The following TAFA4 variants were observed in gnomAD, a reference collection of about 807,000 sequenced individuals.
TAFA4 encodes TAFA chemokine like family member 4, also known as chemokine-like protein TAFA-4.
Under a neutral mutation model 21.1 loss-of-function variants are expected in TAFA4, and 20 were observed. The observed-to-expected ratio is 0.95, with a 90% CI of 0.67 to 1.38. The LOEUF (loss-of-function observed/expected upper bound fraction) is 1.38, where lower values mean the gene tolerates loss of function less well. Ranked by LOEUF, TAFA4 falls within the 40% of genes most tolerant of loss-of-function variation. The pLI is 0.00. For missense variants in TAFA4, 211 were observed against 180.9 expected, an observed-to-expected ratio of 1.17 and a Z score of -0.95; for synonymous variants, 71 against 67.4, an observed-to-expected ratio of 1.05 and a Z score of -0.26.
intron 1 of TAFA4, among the ~76,000 whole-genome samples, chr3:68,896,658 C>T (rs2089792228): frequency 6.6e-6 from 1 of 152,152 alleles, no homozygotes; most frequent in South Asian, 2.1e-4. Context: ...TGCTTGTTCG[C>T]AGGCTAAGGT....
At chr3:68,765,643 G>A (rs751713612) in intron 3 of TAFA4, among the ~76,000 whole-genome samples, 10 of 152,112 alleles carry the variant, frequency 6.6e-5, no homozygotes, top group Admixed American at 2.6e-4. Context: ...CAGAGTAACC[G>A]CCTGTGTGTA....
intron 3 of TAFA4, among the ~76,000 whole-genome samples, chr3:68,819,517 A>G (rs1704069316): frequency 6.6e-6 from 1 of 152,172 alleles, no homozygotes; most frequent in South Asian, 2.1e-4. Context: ...GTTCTGAAGG[A>G]AGAGACAACT....
At chr3:68,781,137 T>C (rs1450326410) in intron 3 of TAFA4, among the ~76,000 whole-genome samples, 1 of 151,870 alleles carries the variant, frequency 6.6e-6, no homozygotes, top group East Asian at 2.0e-4. Flanking sequence ...GAGACATATC[T>C]AAAGCAGTGA....
intron 5 of TAFA4, among the ~76,000 whole-genome samples, chr3:68,736,929 A>T (rs1421296655): frequency 6.6e-6 from 1 of 152,152 alleles, no homozygotes; most frequent in East Asian, 1.9e-4. Context: ...ATCTTTCTAC[A>T]ACTTTTCGAA....
At chr3:68,782,358 G>C (rs1167651193) in intron 3 of TAFA4, among the ~76,000 whole-genome samples, 1 of 152,154 alleles carries the variant, frequency 6.6e-6, no homozygotes, top group Non-Finnish European at 1.5e-5. Flanking sequence ...GCAAAGATAT[G>C]GAGAAATTGG....
At chr3:68,807,366 A>G (rs548218667) in intron 3 of TAFA4, among the ~76,000 whole-genome samples, 108 of 152,344 alleles carry the variant, frequency 7.1e-4, no homozygotes, top group African/African-American at 2.5e-3. Flanking sequence ...AGGCAAGCTG[A>G]TATTACCACG....
At chr3:68,826,220 A>G (rs1049212743) in intron 3 of TAFA4, among the ~76,000 whole-genome samples, 3 of 152,188 alleles carry the variant, frequency 2.0e-5, no homozygotes, top group Non-Finnish European at 4.4e-5. Flanking sequence ...GCCACTACCT[A>G]TGTAACCATA....
At chr3:68,878,946 G>C (rs1038232234) in intron 3 of TAFA4, among the ~76,000 whole-genome samples, 2 of 152,018 alleles carry the variant, frequency 1.3e-5, no homozygotes, top group Admixed American at 6.6e-5. Flanking sequence ...GCCAAAACTG[G>C]GGGGGAGATT....
At chr3:68,902,909 A>C (rs1260901098) in intron 1 of TAFA4, among the ~76,000 whole-genome samples, 1 of 152,218 alleles carries the variant, frequency 6.6e-6, no homozygotes, top group Non-Finnish European at 1.5e-5. Context: ...CAAGTTAGTA[A>C]AATCACTTTC....
intron 3 of TAFA4, among the ~76,000 whole-genome samples, chr3:68,776,238 T>G (rs888319314): frequency 7.9e-5 from 12 of 151,974 alleles, no homozygotes; most frequent in Admixed American, 3.3e-4. Flanking sequence ...ACCGTCAGAA[T>G]AGACAAAAAC....
chr3:68,848,629 A>G (rs1704868149), intron 3 of TAFA4, among the ~76,000 whole-genome samples: 1 of 152,196 alleles, frequency 6.6e-6, no homozygotes, highest in African/African-American at 2.4e-5. Context: ...ATTTAATATC[A>G]TTACTTTCTT....
rs148439880 is a variant in TAFA4 at position 68,738,660 on chromosome 3, G to A, written c.411+415C>T. 4.1e-3 allele frequency among the ~76,000 whole-genome samples: 628 copies of A among 152,258 alleles called. 5 individuals are homozygous for A. Among genetic ancestry groups the A allele is most frequent in the African/African-American group, 0.014 (596 of 41,542 alleles). Reference sequence around the variant, plus strand: ...AAGACGACCACTTGGGGAGAAAAGCGTTGGCTTCTAAGTCTTGAATAAGAA... The same window carrying A: ...AAGACGACCACTTGGGGAGAAAAGCATTGGCTTCTAAGTCTTGAATAAGAA... On this transcript the variant is annotated intron_variant, in intron 5 of 5. Transcript: ENST00000295569.
At chr3:68,910,979 G>T (rs1036362229) in intron 1 of TAFA4, among the ~76,000 whole-genome samples, 1 of 152,192 alleles carries the variant, frequency 6.6e-6, no homozygotes, top group Non-Finnish European at 1.5e-5. Flanking sequence ...AGATATGATA[G>T]ATTTTGCCTG....
At chr3:68,787,413 G>A (rs73835352) in intron 3 of TAFA4, among the ~76,000 whole-genome samples, 88 of 152,236 alleles carry the variant, frequency 5.8e-4, no homozygotes, top group Middle Eastern at 6.8e-3. Flanking sequence ...GGAAAGAGAG[G>A]GGAGATAAGG....
intron 3 of TAFA4, among the ~76,000 whole-genome samples, chr3:68,850,467 AAT>A (rs1309647335): frequency 6.6e-6 from 1 of 152,162 alleles, no homozygotes; most frequent in African/African-American, 2.4e-5. Context: ...GAGGAATCAC[AAT>A]ACTGTCTTCC....
intron 4 of TAFA4, among the ~76,000 whole-genome samples, chr3:68,743,125 A>G (rs947872535): frequency 2.6e-5 from 4 of 152,218 alleles, no homozygotes; most frequent in African/African-American, 9.7e-5. Flanking sequence ...AACAAATAGT[A>G]CCTAAGTCAG....
chr3:68,785,133 T>C (rs937667166), intron 3 of TAFA4, among the ~76,000 whole-genome samples: 9 of 152,188 alleles, frequency 5.9e-5, no homozygotes, highest in Non-Finnish European at 8.8e-5. Flanking sequence ...AGGGTGCTGA[T>C]TGGTGTGTTT....
chr3:68,751,581 T>G (rs1030586054), intron 4 of TAFA4, among the ~76,000 whole-genome samples: 2 of 152,188 alleles, frequency 1.3e-5, no homozygotes, highest in African/African-American at 4.8e-5. Flanking sequence ...GTTAAAGATC[T>G]TCATCTTTTT....
chr3:68,738,210 A>G (rs1702278252), intron 5 of TAFA4, among the ~76,000 whole-genome samples: 1 of 152,202 alleles, frequency 6.6e-6, no homozygotes. Flanking sequence ...GGAACAGCCC[A>G]TGCCAAAGGA....
Sources: allele counts gnomAD v4.1 joint callset (sites outside exome capture counted in the v4.1 genomes callset), GRCh38; gene constraint gnomAD v4.1.1; transcripts MANE v1.5; gene names NCBI Gene and HGNC (gene_info 2026-07-23, HGNC 2026-07-21).